SPTBN1: variants seen among roughly 807,000 people sequenced by gnomAD.
The protein encoded by SPTBN1 is spectrin beta, non-erythrocytic 1, also known as spectrin beta chain, non-erythrocytic 1.
Under a neutral mutation model 266.4 loss-of-function variants are expected in SPTBN1, and 32 were observed. The ratio of observed to expected loss-of-function variants is 0.12; its 90% CI spans 0.09 to 0.16. The LOEUF is 0.16. Ranked by LOEUF, SPTBN1 falls within the 10% of genes least tolerant of loss-of-function variation. The pLI is 1.00. For missense variants in SPTBN1, 2,296 were observed against 3,067.1 expected (o/e 0.75, Z 5.94); for synonymous variants, 1,336 against 1,162.2 (o/e 1.15, Z -3.04).
intron 2 of SPTBN1, among the ~76,000 whole-genome samples, chr2:54,551,810 A>G (rs1672580857): frequency 6.6e-6 from 1 of 152,214 alleles, no homozygotes; most frequent in South Asian, 2.1e-4. Context: ...ATGGATAGAA[A>G]AATATCTTTT....
chr2:54,571,206 G>C (rs57810131), intron 2 of SPTBN1, among the ~76,000 whole-genome samples: 7,744 of 152,092 alleles, frequency 0.051, 227 homozygotes, highest in Admixed American at 0.095. Context: ...CAAGGGCTGT[G>C]GGACGTTTTC....
chr2:54,553,468 C>A (rs1672695040), intron 2 of SPTBN1, among the ~76,000 whole-genome samples: 1 of 152,156 alleles, frequency 6.6e-6, no homozygotes, highest in African/African-American at 2.4e-5. Context: ...TCTATCTGGC[C>A]ACGCTAATGG....
chr2:54,481,434 GT>G (rs1668099123), intron 1 of SPTBN1, among the ~76,000 whole-genome samples: 2 of 78,980 alleles, frequency 2.5e-5, no homozygotes, highest in Non-Finnish European at 5.0e-5. Flanking sequence ...GTGTGTGTGT[GT>G]GTGTGTTTTG....
rs751138025 is a variant in SPTBN1, at chr2:54,639,058, AG to A, written c.3858+1257del. On this transcript the variant is annotated intron_variant, in intron 18 of 35. Coordinates refer to ENST00000356805, the MANE Select transcript of SPTBN1 (RefSeq NM_003128.3). ...CTTTAAGCACCACATTGATGAATCT[AG>A]GTCTCTGGGGGATTTGCCCGGAGCC... 2.7e-4 allele frequency among the ~76,000 whole-genome samples: 41 copies of A among 152,370 alleles called. No individual in the cohort carries two copies. In the South Asian group the frequency reaches 2.9e-3, roughly 11 times the overall value.
chr2:54,468,325 A>T (rs1488983044), intron 1 of SPTBN1, among the ~76,000 whole-genome samples: 1 of 151,556 alleles, frequency 6.6e-6, no homozygotes, highest in Non-Finnish European at 1.5e-5. Context: ...TAAAATAAAA[A>T]AATAAAAAAT....
chr2:54,511,986 A>C (rs1324221381), intron 1 of SPTBN1, among the ~76,000 whole-genome samples: 1 of 152,160 alleles, frequency 6.6e-6, no homozygotes, highest in Non-Finnish European at 1.5e-5. Flanking sequence ...GAAGACAGTG[A>C]CAGATCGTCT....
intron 2 of SPTBN1, among the ~76,000 whole-genome samples, chr2:54,586,363 A>C (rs1192680372): frequency 6.6e-6 from 1 of 152,230 alleles, no homozygotes; most frequent in Non-Finnish European, 1.5e-5. Flanking sequence ...AACAGAAGCC[A>C]ATTTTTAAAT....
chr2:54,606,800 A>G, intron 3 of SPTBN1, among the ~76,000 whole-genome samples: 1 of 152,190 alleles, frequency 6.6e-6, no homozygotes, highest in Non-Finnish European at 1.5e-5. Flanking sequence ...CCTTTCTCGG[A>G]TAGGAGCGTA....
In SPTBN1 at chr2:54,645,268, G is replaced by A. The variant is rs1365018457; in HGVS notation, c.4309G>A (p.Glu1437Lys). 5.0e-6 allele frequency: 8 copies of A among 1,614,026 alleles called. No homozygotes were observed. The highest frequency in any genetic ancestry group is 1.3e-5 in the African/African-American group (1 of 74,920). ...NQMEVRKKEI[E>K]ELQSQAQALS... The stretch of plus-strand genomic sequence containing the variant: ...GATGGAAGTGCGGAAGAAGGAGATC[G>A]AAGAGCTCCAAAGCCAAGCCCAGGC... The change falls in exon 21 of 36, where the codon GAA (glutamate) becomes AAA (lysine). Residue 1437 changes from glutamate (E) to lysine (K), a missense_variant. This residue lies in a region of SPTBN1 where 386 missense variants were observed against 486.1 expected (regional missense o/e 0.79). Coordinates refer to ENST00000356805, the MANE Select transcript of SPTBN1 (RefSeq NM_003128.3). The surrounding 1 kb of genome is among the most constrained non-coding windows in gnomAD (Gnocchi z 4.3).
At chr2:54,556,061 G>A (rs1459944977) in intron 2 of SPTBN1, among the ~76,000 whole-genome samples, 2 of 152,220 alleles carry the variant, frequency 1.3e-5, no homozygotes, top group African/African-American at 4.8e-5. Flanking sequence ...ACACCTGGCA[G>A]TGTGCCTTGC....
At chr2:54,580,248 C>T (rs896110495) in intron 2 of SPTBN1, among the ~76,000 whole-genome samples, 1 of 152,150 alleles carries the variant, frequency 6.6e-6, no homozygotes, top group Non-Finnish European at 1.5e-5. Context: ...TTTACTGTTA[C>T]ATAGGGAGTA....
chr2:54,656,622 T>A (rs1384048041), intron 29 of SPTBN1, among the ~76,000 whole-genome samples: 1 of 152,222 alleles, frequency 6.6e-6, no homozygotes, highest in Non-Finnish European at 1.5e-5. Context: ...TTACCATGCT[T>A]TGCCATTCTC....
In SPTBN1 at chr2:54,558,893, C is replaced by T. The variant is rs746140244; in HGVS notation, c.148+32327C>T. The T allele has an allele frequency of 1.9e-6, 3 of 1,612,362 alleles. No individual in the cohort carries two copies. The South Asian group carries it at 3.3e-5, about 18-fold the overall frequency. ...CAGATTCAAGCAGCTGCAAGGTAAG[C>T]CCCCTCCCAAAGGCCGGGCCTGTCC... On this transcript the variant is annotated intron_variant, in intron 2 of 35. Coordinates refer to ENST00000356805, the MANE Select transcript of SPTBN1 (RefSeq NM_003128.3). This position sits in a 1 kb window ranked among gnomAD's most constrained non-coding sequence, Gnocchi z 4.6.
rs1297696950 is a variant in SPTBN1, at chr2:54,625,955, T to G, written c.1365T>G (p.Pro455=). 6.2e-7 allele frequency: 1 copy of G among 1,613,952 alleles called. No homozygotes were observed. Among genetic ancestry groups the G allele is most frequent in the Admixed American group, 1.7e-5 (1 of 60,024 alleles). The change falls in exon 12 of 36, where the codon CCT becomes CCG. Residue 455 remains proline (P), a synonymous_variant. Coordinates refer to ENST00000356805, the MANE Select transcript of SPTBN1 (RefSeq NM_003128.3). ...AGGACAACTTTGGGTTTGACCTTCC[T>G]GCAGTTGAGGCCGCCACAAAAAAGC... The part of the protein sequence containing the change: ...VSQDNFGFDL[P]AVEAATKKHE...
At chr2:54,624,589 T>A (rs541708957) in intron 10 of SPTBN1, among the ~76,000 whole-genome samples, 1 of 152,334 alleles carries the variant, frequency 6.6e-6, no homozygotes, top group East Asian at 1.9e-4. Flanking sequence ...AATCTTTAGA[T>A]TTAGATGACG....
In SPTBN1 at chr2:54,629,029, C is replaced by T. The variant is rs1449428830; in HGVS notation, c.1895C>T (p.Ala632Val). Residue 632 changes from alanine (A) to valine (V), a missense_variant, in exon 14 of 36, where the codon GCC (alanine) becomes GTC (valine). By Grantham distance (64) the Ala-to-Val change is moderately conservative. Around this residue, in one of 12 missense-constraint regions of SPTBN1, gnomAD observed 434 missense variants for 573.9 expected, o/e 0.76. Coordinates refer to ENST00000356805, the MANE Select transcript of SPTBN1 (RefSeq NM_003128.3). ...ELCQLAAERR[A>V]RLEESRRLWK... The stretch of plus-strand genomic sequence containing the variant: ...TGCCAGCTGGCGGCTGAGCGCAGGG[C>T]CCGTCTGGAAGAGTCCCGCCGCCTC... 3.7e-6 allele frequency: 6 copies of T among 1,613,742 alleles called. No individual in the cohort carries two copies. Among genetic ancestry groups the T allele is most frequent in the South Asian group, 1.1e-5 (1 of 91,084 alleles).
chr2:54,670,375 G>T lies in SPTBN1; in HGVS notation c.*1806G>T. On this transcript the variant is annotated 3_prime_UTR_variant, in exon 36 of 36. Transcript: ENST00000356805. ...AAGCAGCAATGGATATTAGTATTATGGATGTCCAGTAAGTTATTCCACAAA... is the reference window on the plus strand; with the variant it reads ...AAGCAGCAATGGATATTAGTATTATTGATGTCCAGTAAGTTATTCCACAAA... 21 of 229,252 alleles carry T rather than the reference G, an allele frequency of 9.2e-5. No homozygotes were observed. Among genetic ancestry groups the T allele is most frequent in the Middle Eastern group, 1.3e-3 (1 of 742 alleles). 14.2% of individuals were successfully genotyped at this position (229,252 alleles called of 1,614,324 possible). A position where few individuals can be genotyped will look rare whatever the true frequency, so the allele number is the denominator to read the frequency against.
intron 9 of SPTBN1, among the ~76,000 whole-genome samples, chr2:54,622,969 A>AC (rs1329333274): frequency 6.6e-6 from 1 of 152,206 alleles, no homozygotes; most frequent in Admixed American, 6.5e-5. Flanking sequence ...AGGTTTTGCA[A>AC]CCCAAAAAAA....
At chr2:54,597,198 C>G (rs1676147784) in intron 2 of SPTBN1, among the ~76,000 whole-genome samples, 1 of 152,198 alleles carries the variant, frequency 6.6e-6, no homozygotes, top group South Asian at 2.1e-4. Flanking sequence ...TTACTTGCCT[C>G]CTTGATAAGA....
Sources: gnomAD v4.1 joint callset for allele counts (sites outside exome capture counted in the v4.1 genomes callset) on GRCh38, gnomAD v4.1.1 for gene constraint, gnomAD v4.1.1 regional missense constraint, Gnocchi (gnomAD v3.1) non-coding constraint, MANE v1.5 for transcripts, NCBI Gene and HGNC (gene_info 2026-07-23, HGNC 2026-07-21) for gene names.